Variants in DLGAP2 observed in about 807,000 individuals in gnomAD.
The protein encoded by DLGAP2 is DLG associated protein 2.
Under a neutral mutation model 100.3 loss-of-function variants are expected in DLGAP2, and 26 were observed. The ratio of observed to expected loss-of-function variants is 0.26; its 90% CI spans 0.19 to 0.36. The LOEUF (loss-of-function observed/expected upper bound fraction) is 0.36, where lower values mean the gene tolerates loss of function less well. Ranked by LOEUF, DLGAP2 falls within the 10% of genes least tolerant of loss-of-function variation. The pLI is 1.00. For synonymous variants in DLGAP2, 886 were observed against 630.1 expected (o/e 1.41, Z -6.08); for missense variants, 1,858 against 1,453.2 (o/e 1.28, Z -4.53).
chr8:944,506 G>A (rs1799269118), intron 2 of DLGAP2, among the ~76,000 whole-genome samples: 1 of 151,918 alleles, frequency 6.6e-6, no homozygotes, highest in Admixed American at 6.6e-5. Context: ...CCATTGGGTG[G>A]TAACCAGTCC....
intron 2 of DLGAP2, among the ~76,000 whole-genome samples, chr8:1,070,554 G>T (rs1269580079): frequency 6.6e-6 from 1 of 152,148 alleles, no homozygotes; most frequent in Non-Finnish European, 1.5e-5. Context: ...GGCGATTTCG[G>T]CACTGTCCAA....
intron 2 of DLGAP2, among the ~76,000 whole-genome samples, chr8:1,105,832 A>G (rs548730509): frequency 6.9e-6 from 1 of 144,202 alleles, no homozygotes; most frequent in African/African-American, 2.6e-5. Flanking sequence ...GAAGGGGGCC[A>G]TTCTAGGAGG....
intron 4 of DLGAP2, among the ~76,000 whole-genome samples, chr8:1,530,425 C>T (rs983289826): frequency 2.0e-5 from 3 of 152,144 alleles, no homozygotes; most frequent in Non-Finnish European, 2.9e-5. Context: ...TGCTGTTATC[C>T]TGTTCTTTTT....
chr8:1,195,590 C>T (rs768752022), intron 2 of DLGAP2, among the ~76,000 whole-genome samples: 1 of 152,186 alleles, frequency 6.6e-6, no homozygotes, highest in Non-Finnish European at 1.5e-5. Context: ...ATTCTTAATT[C>T]ACTCATAAAA....
intron 2 of DLGAP2, among the ~76,000 whole-genome samples, chr8:1,128,745 A>G (rs1354446963): frequency 6.6e-6 from 1 of 152,226 alleles, no homozygotes; most frequent in Non-Finnish European, 1.5e-5. Flanking sequence ...TGAAGCATAG[A>G]ACTTAGTGAC....
intron 1 of DLGAP2, among the ~76,000 whole-genome samples, chr8:781,643 A>G (rs780467251): frequency 1.8e-4 from 28 of 152,170 alleles, no homozygotes; most frequent in Non-Finnish European, 3.5e-4. Context: ...GAGGACAAAG[A>G]AGTTCGTTGT....
intron 2 of DLGAP2, among the ~76,000 whole-genome samples, chr8:1,208,321 T>A (rs1305008142): frequency 6.6e-6 from 1 of 152,194 alleles, no homozygotes; most frequent in Non-Finnish European, 1.5e-5. Flanking sequence ...GAATAGGGTG[T>A]CCTTTCCCCG....
intron 2 of DLGAP2, among the ~76,000 whole-genome samples, chr8:1,176,178 G>C (rs1797250018): frequency 6.6e-6 from 1 of 151,548 alleles, no homozygotes; most frequent in Admixed American, 6.6e-5. Flanking sequence ...GGGGAAGCAA[G>C]GCACGTGTTA....
chr8:1,053,379 G>A (rs1436181284), intron 2 of DLGAP2, among the ~76,000 whole-genome samples: 1 of 152,152 alleles, frequency 6.6e-6, no homozygotes. Context: ...CAAGTGATGA[G>A]TTCATACCCT....
Position 1,417,176 on chromosome 8 carries a change from C to T in DLGAP2, c.107-84190C>T, listed in dbSNP as rs1183153054. ...TCTGAGTGAAGGGGAAGCCCCCGTT[C>T]ATTTAGTGTCTGAGGCGGGGGAGAC... On this transcript the variant is annotated intron_variant, in intron 3 of 14. Coordinates refer to ENST00000637795, the MANE Select transcript of DLGAP2 (RefSeq NM_001346810.2). Among the ~76,000 whole-genome samples the T allele has an allele frequency of 5.3e-5, 4 of 75,810 alleles. 1 individual carries two copies. Among genetic ancestry groups the T allele is most frequent in the Admixed American group, 1.1e-4 (1 of 8,916 alleles). 49.7% of individuals were successfully genotyped at this position (75,810 alleles called of 152,430 possible). A position where few individuals can be genotyped will look rare whatever the true frequency, so the allele number is the denominator to read the frequency against.
At chr8:1,369,619 A>T (rs1360377632) in intron 3 of DLGAP2, 1 of 152,184 alleles carries the variant, frequency 6.6e-6, no homozygotes, top group Non-Finnish European at 1.5e-5. Flanking sequence ...ACATTCCTTT[A>T]GGTGGAATGC....
chr8:1,526,669 T>C (rs1387573853), intron 4 of DLGAP2, among the ~76,000 whole-genome samples: 1 of 152,208 alleles, frequency 6.6e-6, no homozygotes, highest in East Asian at 1.9e-4. Context: ...CCTTATTGGG[T>C]TGACTTTAAG....
intron 2 of DLGAP2, among the ~76,000 whole-genome samples, chr8:1,090,747 C>T (rs568968032): frequency 6.6e-6 from 1 of 152,314 alleles, no homozygotes; most frequent in South Asian, 2.1e-4. Context: ...AGTTTTTATC[C>T]TGCATAGGTT....
Position 1,504,638 on chromosome 8 carries a change from C to T in DLGAP2, c.172+3207C>T, listed in dbSNP as rs137930553. Among the ~76,000 whole-genome samples, 178 of 152,280 alleles carry T rather than the reference C, an allele frequency of 1.2e-3. 2 individuals are homozygous for T. Among genetic ancestry groups the T allele is most frequent in the Non-Finnish European group, 3.1e-4 (21 of 68,020 alleles). On this transcript the variant is annotated intron_variant, in intron 4 of 14. Transcript: ENST00000637795. ...GATTCCACGTGTAAGTGAGGTCACG[C>T]GGCACCTGTCTTTCTGTGCCTGGCT...
intron 3 of DLGAP2, among the ~76,000 whole-genome samples, chr8:1,332,303 AGTGT>A (rs200944876): frequency 8.6e-5 from 13 of 150,936 alleles, no homozygotes; most frequent in African/African-American, 3.2e-4. Context: ...CACGTGTGTC[AGTGT>A]GTGTGTGTCT....
chr8:1,018,340 T>C (rs535204586), intron 2 of DLGAP2, among the ~76,000 whole-genome samples: 25 of 152,364 alleles, frequency 1.6e-4, no homozygotes, highest in African/African-American at 5.8e-4. Context: ...CTCAATTGAT[T>C]TGACCACAGC....
At chr8:1,268,953 C>T (rs904546292) in intron 3 of DLGAP2, among the ~76,000 whole-genome samples, 3 of 152,192 alleles carry the variant, frequency 2.0e-5, no homozygotes, top group African/African-American at 4.8e-5. Context: ...TCAGCTCTAT[C>T]TGCAGCTGAT....
chr8:986,682 CAG>C (rs1396467610), intron 2 of DLGAP2, among the ~76,000 whole-genome samples: 1 of 138,870 alleles, frequency 7.2e-6, no homozygotes, highest in East Asian at 2.1e-4. Flanking sequence ...TTTTTTGAGA[CAG>C]AGTCTCACTC....
chr8:1,329,820 TCCA>T (rs1801107756), intron 3 of DLGAP2, among the ~76,000 whole-genome samples: 1 of 152,182 alleles, frequency 6.6e-6, no homozygotes, highest in Non-Finnish European at 1.5e-5. Context: ...GGCTGGATTT[TCCA>T]CCAAGTGTCT....
Sources: allele counts gnomAD v4.1 joint callset (sites outside exome capture counted in the v4.1 genomes callset), GRCh38; gene constraint gnomAD v4.1.1; transcripts MANE v1.5; gene names NCBI Gene and HGNC (gene_info 2026-07-23, HGNC 2026-07-21).